PARVA: variants seen among roughly 807,000 people sequenced by gnomAD.
PARVA encodes alpha-parvin.
Under a neutral mutation model 52.6 loss-of-function variants are expected in PARVA, and 25 were observed. The ratio of observed to expected loss-of-function variants is 0.48; its 90% CI spans 0.35 to 0.66. The LOEUF is 0.66. Ranked by LOEUF, PARVA falls within the 30% of genes least tolerant of loss-of-function variation. The probability of loss-of-function intolerance (pLI) is 0.01; values close to 1 mark genes in which losing one functional copy is unlikely to be tolerated. For missense variants in PARVA, 373 were observed against 450.9 expected (o/e 0.83, Z 1.56); for synonymous variants, 185 against 179.1 (o/e 1.03, Z -0.26).
chr11:12,524,795 GCTCT>G (rs1242484695), intron 12 of PARVA, among the ~76,000 whole-genome samples: 4 of 152,220 alleles, frequency 2.6e-5, no homozygotes, highest in Admixed American at 6.5e-5. Flanking sequence ...GAGGGTCCAT[GCTCT>G]CTGTGTTCAA....
At chr11:12,460,552 A>AC (rs1361848873) in intron 1 of PARVA, among the ~76,000 whole-genome samples, 1 of 152,154 alleles carries the variant, frequency 6.6e-6, no homozygotes, top group Non-Finnish European at 1.5e-5. Flanking sequence ...AGGGTAAACC[A>AC]CCGACTCTTC....
At position 12,473,742 on chromosome 11, in the gene PARVA, C is replaced by A; in HGVS notation, c.137-3C>A. On this transcript the variant is annotated splice_polypyrimidine_tract_variant and splice_region_variant and intron_variant, in intron 1 of 12. Coordinates refer to ENST00000334956, the MANE Select transcript of PARVA (RefSeq NM_018222.5). ...TGTGACCCTGCTCTTCCTTTTCTTC[C>A]AGTGTCCGAGCTGCAGGAGGAGGGA... The A allele has an allele frequency of 6.4e-7, 1 of 1,557,140 alleles. No homozygotes were observed. The highest frequency in any genetic ancestry group is 8.7e-7 in the Non-Finnish European group (1 of 1,149,360).
At chr11:12,447,939 C>T (rs900578602) in intron 1 of PARVA, among the ~76,000 whole-genome samples, 1 of 152,108 alleles carries the variant, frequency 6.6e-6, no homozygotes, top group Non-Finnish European at 1.5e-5. Flanking sequence ...GATATATCTA[C>T]CTCTTGGGTT....
chr11:12,387,747 G>T (rs182982570), intron 1 of PARVA, among the ~76,000 whole-genome samples: 169 of 140,636 alleles, frequency 1.2e-3, no homozygotes, highest in Non-Finnish European at 2.2e-3. Flanking sequence ...AGGCCCATCG[G>T]TTGGGGGGTT....
chr11:12,458,524 C>T (rs1394281794), intron 1 of PARVA, among the ~76,000 whole-genome samples: 2 of 152,206 alleles, frequency 1.3e-5, no homozygotes, highest in Non-Finnish European at 2.9e-5. Context: ...TTGCTTCTTC[C>T]TTGGAGGAAA....
At position 12,518,483 on chromosome 11, in the gene PARVA, T is replaced by G; in HGVS notation, c.1008T>G (p.Asp336Glu). 1 of 1,613,828 alleles carries G rather than the reference T, an allele frequency of 6.2e-7. No homozygotes were observed. The highest frequency in any genetic ancestry group is 8.5e-7 in the Non-Finnish European group (1 of 1,179,838). The stretch of plus-strand genomic sequence containing the variant: ...CCTTTGCCTTTGAGCTCATGCAAGA[T>G]GGAGGGTTGGAAAAGCCAAAACCGC... The part of the protein sequence containing the change: ...NVSFAFELMQ[D>E]GGLEKPKPRP... The change falls in exon 12 of 13, where the codon GAT becomes GAG. Residue 336 changes from aspartate (D) to glutamate (E), a missense_variant. Coordinates refer to ENST00000334956, the MANE Select transcript of PARVA (RefSeq NM_018222.5).
upstream of PARVA, chr11:12,377,451 C>T: frequency 1.4e-6 from 2 of 1,394,170 alleles, no homozygotes; most frequent in Non-Finnish European, 1.8e-6. Flanking sequence ...GCAGCTCCTT[C>T]CAGGGCAGAG....
rs538888639 is a variant in PARVA at position 12,437,982 on chromosome 11, C to T, written c.137-35763C>T. ...CTATAAAAGAATACCATACATAGGC[C>T]GGGCGCAGTGGCTTACGTCTGTAAT... On this transcript the variant is annotated intron_variant, in intron 1 of 12. Coordinates refer to ENST00000334956, the MANE Select transcript of PARVA (RefSeq NM_018222.5). Among the ~76,000 whole-genome samples, 8 of 152,184 alleles carry T rather than the reference C, an allele frequency of 5.3e-5. No individual in the cohort carries two copies. The South Asian group carries it at 6.2e-4, about 12-fold the overall frequency.
At chr11:12,382,408 G>T (rs1482326846) in intron 1 of PARVA, among the ~76,000 whole-genome samples, 2 of 148,592 alleles carry the variant, frequency 1.3e-5, no homozygotes. Context: ...ATATTTCTAG[G>T]CTACATGGTT....
In PARVA at chr11:12,504,435, A is replaced by C. The variant is rs1941405822; in HGVS notation, c.657+6A>C. 6.5e-7 allele frequency: 1 copy of C among 1,541,226 alleles called. No homozygotes were observed. The highest frequency in any genetic ancestry group is 9.0e-7 in the Non-Finnish European group (1 of 1,113,858). ...TCCAAGTGGTTGTGGTCCAGGTAAG[A>C]CAGGTAACACTACAAACATCTGTGT... On this transcript the variant is annotated splice_donor_region_variant and intron_variant, in intron 6 of 12. Transcript: ENST00000334956.
chr11:12,416,132 C>T (rs1420089248), intron 1 of PARVA, among the ~76,000 whole-genome samples: 1 of 152,166 alleles, frequency 6.6e-6, no homozygotes, highest in Non-Finnish European at 1.5e-5. Flanking sequence ...AACTGATGGA[C>T]TAGCACAGTT....
chr11:12,423,056 G>C (rs1940175344), intron 1 of PARVA, among the ~76,000 whole-genome samples: 1 of 152,066 alleles, frequency 6.6e-6, no homozygotes, highest in Non-Finnish European at 1.5e-5. Flanking sequence ...CTTTCACCAT[G>C]TTGGCCAGGC....
At chr11:12,390,997 C>T (rs552185478) in intron 1 of PARVA, among the ~76,000 whole-genome samples, 1 of 152,216 alleles carries the variant, frequency 6.6e-6, no homozygotes, top group East Asian at 1.9e-4. Context: ...TTGGTGGGCT[C>T]AGCAGCTCCT....
chr11:12,377,595 C>T lies in PARVA; in HGVS notation c.-53C>T, dbSNP rs543590257. 221 of 1,510,452 alleles carry T rather than the reference C, an allele frequency of 1.5e-4. 4 individuals carry two copies. The East Asian group carries it at 3.7e-3, about 25-fold the overall frequency. 93.6% of individuals were successfully genotyped at this position (1,510,452 alleles called of 1,614,324 possible). On this transcript the variant is annotated 5_prime_UTR_variant, in exon 1 of 13. Transcript: ENST00000334956. ...CAGTCCCGCCGCCGCCCGCTGCGTC[C>T]GCCCAGCGCCAGCTCCGCGTCCCGA...
At chr11:12,378,851 T>C (rs1939444536) in intron 1 of PARVA, among the ~76,000 whole-genome samples, 1 of 152,172 alleles carries the variant, frequency 6.6e-6, no homozygotes, top group African/African-American at 2.4e-5. Context: ...GGGGTCCCAG[T>C]CCAGACCCCA....
chr11:12,427,603 AT>A lies in PARVA; in HGVS notation c.137-46133del, dbSNP rs113337456. Among the ~76,000 whole-genome samples the A allele has an allele frequency of 6.7e-3, 1,011 of 151,758 alleles. 15 individuals are homozygous for A. Among genetic ancestry groups the A allele is most frequent in the African/African-American group, 0.023 (957 of 41,402 alleles). Reference sequence around the variant, plus strand: ...AGAAATGTTTTCATCTACAACAGACATTTTTTTTTAAAGCAAGTTTTGACAC... The same window carrying A: ...AGAAATGTTTTCATCTACAACAGACATTTTTTTTAAAGCAAGTTTTGACAC... On this transcript the variant is annotated intron_variant, in intron 1 of 12. Coordinates refer to ENST00000334956, the MANE Select transcript of PARVA (RefSeq NM_018222.5).
intron 4 of PARVA, among the ~76,000 whole-genome samples, chr11:12,495,222 A>G (rs544590508): frequency 6.6e-6 from 1 of 152,328 alleles, no homozygotes; most frequent in South Asian, 2.1e-4. Flanking sequence ...AGGCCATCAC[A>G]GGTAAGAATA....
intron 1 of PARVA, among the ~76,000 whole-genome samples, chr11:12,469,969 C>T (rs1940911740): frequency 6.6e-6 from 1 of 152,172 alleles, no homozygotes; most frequent in Admixed American, 6.5e-5. Context: ...GTTTCAATAC[C>T]TCTCCATTTA....
chr11:12,395,847 G>A (rs1056825112), intron 1 of PARVA, among the ~76,000 whole-genome samples: 5 of 152,182 alleles, frequency 3.3e-5, no homozygotes, highest in Admixed American at 1.3e-4. Context: ...CAATATTTTG[G>A]AGGCAGAATC....
Sources: allele counts gnomAD v4.1 joint callset (sites outside exome capture counted in the v4.1 genomes callset), GRCh38; gene constraint gnomAD v4.1.1; transcripts MANE v1.5; gene names NCBI Gene and HGNC (gene_info 2026-07-23, HGNC 2026-07-21).